The following CADM2 variants were observed in gnomAD, a reference collection of about 807,000 sequenced individuals.
CADM2 encodes the protein cell adhesion molecule 2.
Under a neutral mutation model 49.8 loss-of-function variants are expected in CADM2, and 12 were observed. The observed-to-expected ratio is 0.24, with a 90% CI of 0.15 to 0.39. The LOEUF (loss-of-function observed/expected upper bound fraction) is 0.39, where lower values mean the gene tolerates loss of function less well. Ranked by LOEUF, CADM2 falls within the 10% of genes least tolerant of loss-of-function variation. The pLI is 1.00. For missense variants in CADM2, 378 were observed against 492.3 expected (o/e 0.77, Z 2.20); for synonymous variants, 214 against 175.4 (o/e 1.22, Z -1.74).
intron 8 of CADM2, chr3:85,994,747 G>C (rs1446405172): frequency 2.0e-5 from 3 of 152,008 alleles, no homozygotes; most frequent in Admixed American, 6.6e-5. Flanking sequence ...GAAAACAGCT[G>C]GTCAGTAAAT....
At chr3:85,648,433 C>A (rs550381312) in intron 1 of CADM2, among the ~76,000 whole-genome samples, 1 of 151,844 alleles carries the variant, frequency 6.6e-6, no homozygotes, top group Admixed American at 6.6e-5. Context: ...ATCTGGGAAC[C>A]AGAAAGGGTT....
intron 1 of CADM2, among the ~76,000 whole-genome samples, chr3:85,380,281 G>A (rs1413369233): frequency 6.6e-6 from 1 of 151,808 alleles, no homozygotes; most frequent in Non-Finnish European, 1.5e-5. Flanking sequence ...ATGTTAATAT[G>A]GCATACTAAA....
chr3:85,773,391 A>G (rs1446324020), intron 2 of CADM2, among the ~76,000 whole-genome samples: 1 of 152,058 alleles, frequency 6.6e-6, no homozygotes, highest in Non-Finnish European at 1.5e-5. Context: ...CATAGCTAGC[A>G]GTCTCTGCAC....
At chr3:85,819,099 GGT>G in intron 3 of CADM2, among the ~76,000 whole-genome samples, 1 of 152,098 alleles carries the variant, frequency 6.6e-6, no homozygotes, top group East Asian at 1.9e-4. Context: ...GCAAACCACT[GGT>G]GTAAGTCCAA....
intron 6 of CADM2, among the ~76,000 whole-genome samples, chr3:85,926,298 A>G (rs1288911442): frequency 1.3e-5 from 2 of 151,902 alleles, no homozygotes; most frequent in South Asian, 4.1e-4. Flanking sequence ...GTGCTGTGGG[A>G]TGTTTAGCAG....
At chr3:85,275,354 G>A (rs1432612145) in intron 1 of CADM2, among the ~76,000 whole-genome samples, 2 of 151,392 alleles carry the variant, frequency 1.3e-5, no homozygotes, top group Non-Finnish European at 3.0e-5. Flanking sequence ...CAACAGTTTA[G>A]TACTAAATGT....
chr3:85,210,958 T>G (rs1395651129), intron 1 of CADM2, among the ~76,000 whole-genome samples: 5 of 152,218 alleles, frequency 3.3e-5, no homozygotes, highest in African/African-American at 1.2e-4. Flanking sequence ...TCAATCTCAT[T>G]ACTTGTCATT....
intron 7 of CADM2, among the ~76,000 whole-genome samples, chr3:85,960,593 T>C (rs998119504): frequency 6.6e-6 from 1 of 151,960 alleles, no homozygotes; most frequent in Non-Finnish European, 1.5e-5. Flanking sequence ...AGAAAATAAA[T>C]GTAAATTACC....
chr3:85,256,011 G>A (rs191340683), intron 1 of CADM2, among the ~76,000 whole-genome samples: 154 of 151,978 alleles, frequency 1.0e-3, no homozygotes, highest in African/African-American at 3.5e-3. Flanking sequence ...AGACTGTACT[G>A]AGAATCAATA....
intron 1 of CADM2, among the ~76,000 whole-genome samples, chr3:84,982,124 C>CT (rs770426313): frequency 2.5e-4 from 38 of 152,214 alleles, no homozygotes; most frequent in East Asian, 1.5e-3. Context: ...TCTCACATGA[C>CT]TTTTGAATAG....
chr3:85,700,490 A>G (rs2066720780), intron 1 of CADM2, among the ~76,000 whole-genome samples: 1 of 152,220 alleles, frequency 6.6e-6, no homozygotes, highest in Non-Finnish European at 1.5e-5. Flanking sequence ...ATTAAAAAGT[A>G]AATAAAATAT....
chr3:85,145,959 T>C (rs572102374), intron 1 of CADM2, among the ~76,000 whole-genome samples: 1 of 152,298 alleles, frequency 6.6e-6, no homozygotes, highest in East Asian at 1.9e-4. Flanking sequence ...CAGTTTGGCA[T>C]AAAAGGTTAA....
intron 1 of CADM2, among the ~76,000 whole-genome samples, chr3:85,323,975 CA>C (rs2044683812): frequency 6.6e-6 from 1 of 152,060 alleles, no homozygotes; most frequent in South Asian, 2.1e-4. Context: ...GCAAAATTTC[CA>C]ATATAGTGGC....
intron 8 of CADM2, 32 bp from the exon 9 acceptor site, chr3:86,065,573 T>A (rs1224500704): frequency 1.9e-6 from 3 of 1,594,544 alleles, no homozygotes; most frequent in Admixed American, 3.6e-5. Flanking sequence ...AATAACACAT[T>A]AAATAGAACA....
At chr3:85,116,919 C>T (rs575634382) in intron 1 of CADM2, among the ~76,000 whole-genome samples, 15 of 152,116 alleles carry the variant, frequency 9.9e-5, no homozygotes, top group South Asian at 2.1e-4. Flanking sequence ...TTTTAGGACA[C>T]GGGCGGTGAC....
chr3:85,511,956 T>C (rs1254087428), intron 1 of CADM2: 3 of 797,754 alleles, frequency 3.8e-6, no homozygotes, highest in Non-Finnish European at 4.6e-6. Context: ...TATATAAATA[T>C]ATATGTGGTT....
intron 8 of CADM2, among the ~76,000 whole-genome samples, chr3:86,040,669 T>C (rs1190822748): frequency 6.6e-6 from 1 of 152,116 alleles, no homozygotes; most frequent in African/African-American, 2.4e-5. Flanking sequence ...CAGGATATTA[T>C]CCAGGAGAAC....
rs534159927 is a variant in CADM2, at chr3:85,080,552, A to C, written c.61+120884A>C. 3.3e-5 allele frequency among the ~76,000 whole-genome samples: 5 copies of C among 152,208 alleles called. No individual in the cohort carries two copies. In the East Asian group the frequency reaches 9.7e-4, roughly 29 times the overall value. On this transcript the variant is annotated intron_variant, in intron 1 of 9. Transcript: ENST00000383699. ...TTGTCGGTAGCAGTACCAAAATAATAATCTTAATCTAATAGTACCTCAGGT... is the reference window on the plus strand; with the variant it reads ...TTGTCGGTAGCAGTACCAAAATAATCATCTTAATCTAATAGTACCTCAGGT...
intron 8 of CADM2, among the ~76,000 whole-genome samples, chr3:85,987,869 C>T (rs999263278): frequency 6.6e-6 from 1 of 151,656 alleles, no homozygotes; most frequent in African/African-American, 2.4e-5. Flanking sequence ...AAAAAAAAAT[C>T]ATTAATAAAC....
Sources: allele counts gnomAD v4.1 joint callset (sites outside exome capture counted in the v4.1 genomes callset), GRCh38; gene constraint gnomAD v4.1.1; transcripts MANE v1.5; gene names NCBI Gene and HGNC (gene_info 2026-07-23, HGNC 2026-07-21).